MRPS28: variants seen among roughly 807,000 people sequenced by gnomAD.
MRPS28 encodes the protein mitochondrial ribosomal protein S28.
Under a neutral mutation model 10.8 loss-of-function variants are expected in MRPS28, and 7 were observed. The ratio of observed to expected loss-of-function variants is 0.65; its 90% CI spans 0.37 to 1.22. The LOEUF (loss-of-function observed/expected upper bound fraction) is 1.22, where lower values mean the gene tolerates loss of function less well. Among genes scored for constraint, MRPS28 ranks in the 50% most tolerant of loss-of-function variants. MRPS28 has a pLI of 0.02. For synonymous variants in MRPS28, 121 were observed against 93.3 expected (o/e 1.30, Z -1.71); for missense variants, 265 against 232.9 (o/e 1.14, Z -0.90).
chr8:80,017,178 A>C (rs373212643), intron 1 of MRPS28, among the ~76,000 whole-genome samples: 1 of 152,352 alleles, frequency 6.6e-6, no homozygotes, highest in Admixed American at 6.5e-5. Context: ...TCTTAGAGTA[A>C]ACAAATACAC....
At chr8:80,013,408 G>GTGGA (rs1809105181) in intron 1 of MRPS28, among the ~76,000 whole-genome samples, 2 of 152,188 alleles carry the variant, frequency 1.3e-5, no homozygotes, top group South Asian at 4.1e-4. Flanking sequence ...GCTGAGGTAG[G>GTGGA]TGGATCACCT....
intron 1 of MRPS28, among the ~76,000 whole-genome samples, chr8:80,028,088 G>A (rs925330524): frequency 6.6e-6 from 1 of 152,188 alleles, no homozygotes; most frequent in South Asian, 2.1e-4. Context: ...CACCTTGGTT[G>A]TTTCCTTCAT....
intron 2 of MRPS28, among the ~76,000 whole-genome samples, chr8:79,989,666 T>C (rs73257806): frequency 0.052 from 7,902 of 152,250 alleles, 664 homozygotes; most frequent in African/African-American, 0.18. Flanking sequence ...TCACTTAATG[T>C]GGTACAAACA....
intron 2 of MRPS28, among the ~76,000 whole-genome samples, chr8:79,952,324 T>C (rs959589338): frequency 6.6e-6 from 1 of 152,216 alleles, no homozygotes; most frequent in Admixed American, 6.5e-5. Context: ...AAGTTTTTAA[T>C]GGGCCTACTT....
chr8:79,985,898 A>C (rs1808148110), intron 2 of MRPS28, among the ~76,000 whole-genome samples: 2 of 152,132 alleles, frequency 1.3e-5, no homozygotes, highest in East Asian at 3.8e-4. Flanking sequence ...TCAATAGAAA[A>C]AGAGGGAATC....
intron 1 of MRPS28, among the ~76,000 whole-genome samples, chr8:80,007,067 T>C (rs1472272962): frequency 1.3e-5 from 2 of 152,132 alleles, no homozygotes; most frequent in East Asian, 1.9e-4. Context: ...AAAAAGCTTA[T>C]CCACCATGAT....
chr8:79,965,020 G>A (rs1220596273), intron 2 of MRPS28, among the ~76,000 whole-genome samples: 1 of 152,040 alleles, frequency 6.6e-6, no homozygotes, highest in Admixed American at 6.6e-5. Flanking sequence ...AAGCTTTATG[G>A]ATGCTGTATA....
In MRPS28 at chr8:80,030,160, C is replaced by T; in HGVS notation, c.89G>A (p.Gly30Asp). The change falls in exon 1 of 3, where the codon GGC (glycine) becomes GAC (aspartate). Residue 30 changes from glycine (G) to aspartate (D), a missense_variant. Transcript: ENST00000276585. ...FLFFRPFRGV[G>D]TESGSESGSS... ...ACCACTTTCGGATCCACTCTCAGTG[C>T]CTACACCCCGAAAGGGCCTGAAGAA... The T allele has an allele frequency of 6.2e-7, 1 of 1,613,716 alleles. No homozygotes were observed. Among genetic ancestry groups the T allele is most frequent in the East Asian group, 2.2e-5 (1 of 44,884 alleles).
intron 2 of MRPS28, among the ~76,000 whole-genome samples, chr8:79,998,915 T>C (rs1234642539): frequency 2.6e-5 from 4 of 152,152 alleles, no homozygotes; most frequent in Non-Finnish European, 5.9e-5. Flanking sequence ...AAAGAAACAA[T>C]AAAAAATTAA....
At chr8:79,969,996 G>A (rs1250855467) in intron 2 of MRPS28, among the ~76,000 whole-genome samples, 1 of 152,120 alleles carries the variant, frequency 6.6e-6, no homozygotes, top group Non-Finnish European at 1.5e-5. Flanking sequence ...ATACATGCTT[G>A]GATATAGCAA....
intron 2 of MRPS28, among the ~76,000 whole-genome samples, chr8:79,955,249 C>T (rs948162999): frequency 2.6e-5 from 4 of 152,092 alleles, no homozygotes; most frequent in African/African-American, 4.8e-5. Context: ...AGGTTGAGAA[C>T]GAGAAAATAA....
chr8:80,011,169 G>A (rs1809036923), intron 1 of MRPS28, among the ~76,000 whole-genome samples: 2 of 141,258 alleles, frequency 1.4e-5, no homozygotes, highest in Admixed American at 7.5e-5. Context: ...TTCTTGACAA[G>A]AGCAGCTACA....
chr8:79,931,668 G>C (rs900600654), intron 2 of MRPS28, among the ~76,000 whole-genome samples: 4 of 152,160 alleles, frequency 2.6e-5, no homozygotes, highest in African/African-American at 9.7e-5. Flanking sequence ...GTCCAGTCAG[G>C]ATAGGCCTTG....
intron 2 of MRPS28, among the ~76,000 whole-genome samples, chr8:79,964,663 A>T (rs993052255): frequency 6.0e-5 from 9 of 150,178 alleles, no homozygotes; most frequent in African/African-American, 2.2e-4. Context: ...TTCTTTATTT[A>T]AAAAAAAAAT....
At chr8:80,006,902 C>G (rs1328152658) in intron 1 of MRPS28, among the ~76,000 whole-genome samples, 2 of 152,072 alleles carry the variant, frequency 1.3e-5, no homozygotes, top group Non-Finnish European at 2.9e-5. Flanking sequence ...AAAGAGGGAA[C>G]CCTCCCTAAC....
At position 79,985,892 on chromosome 8, in the gene MRPS28, T is replaced by C. The variant is rs541425541; in HGVS notation, c.395+17107A>G. ...TTCCTTCTGAAACTATTCCAATCAA[T>C]AGAAAAAGAGGGAATCCTCCCTAAC... is the stretch of plus-strand genomic sequence containing the variant. On this transcript the variant is annotated intron_variant, in intron 2 of 2. Transcript: ENST00000276585. Among the ~76,000 whole-genome samples, 1,068 of 151,862 alleles carry C rather than the reference T, an allele frequency of 7.0e-3. 8 individuals carry two copies. Among genetic ancestry groups the C allele is most frequent in the African/African-American group, 0.022 (928 of 41,400 alleles).
intron 2 of MRPS28, among the ~76,000 whole-genome samples, chr8:79,945,094 G>A (rs1485705454): frequency 6.6e-6 from 1 of 152,010 alleles, no homozygotes; most frequent in Non-Finnish European, 1.5e-5. Context: ...ATCTACATAG[G>A]AACATATGAC....
At chr8:79,954,856 C>G (rs1405261609) in intron 2 of MRPS28, among the ~76,000 whole-genome samples, 4 of 152,118 alleles carry the variant, frequency 2.6e-5, no homozygotes, top group African/African-American at 9.7e-5. Flanking sequence ...GGAAGCTTGG[C>G]TGGGTGCAGA....
intron 2 of MRPS28, among the ~76,000 whole-genome samples, chr8:79,942,921 G>C (rs1301145807): frequency 1.3e-5 from 2 of 152,144 alleles, no homozygotes; most frequent in East Asian, 3.8e-4. Context: ...TTTAAAAAAA[G>C]GTTGAAGCAA....
Sources: gnomAD v4.1 joint callset for allele counts (sites outside exome capture counted in the v4.1 genomes callset) on GRCh38, gnomAD v4.1.1 for gene constraint, MANE v1.5 for transcripts, NCBI Gene and HGNC (gene_info 2026-07-23, HGNC 2026-07-21) for gene names.